VPS50: variants seen among roughly 807,000 people sequenced by gnomAD.
VPS50 encodes VPS50 subunit of EARP/GARPII complex.
VPS50 carries 70 observed loss-of-function variants against 139.7 expected under a neutral mutation model. That is an observed-to-expected ratio of 0.50 (90% CI 0.41 to 0.61). The LOEUF (loss-of-function observed/expected upper bound fraction) is 0.61, where lower values mean the gene tolerates loss of function less well. Among genes scored for constraint, VPS50 ranks in the 20% least tolerant of loss-of-function variants. The pLI is 0.00. For synonymous variants in VPS50, 365 were observed against 376.7 expected (o/e 0.97, Z 0.36); for missense variants, 921 against 1,133.7 (o/e 0.81, Z 2.69).
intron 4 of VPS50, among the ~76,000 whole-genome samples, chr7:93,255,076 T>G (rs942340510): frequency 1.3e-5 from 2 of 152,140 alleles, no homozygotes; most frequent in Non-Finnish European, 2.9e-5. Flanking sequence ...AAGACAATTT[T>G]TCTATGGACT....
At chr7:93,285,892 TC>T (rs1490094284) in intron 12 of VPS50, among the ~76,000 whole-genome samples, 9 of 152,242 alleles carry the variant, frequency 5.9e-5, no homozygotes, top group Non-Finnish European at 1.3e-4. Flanking sequence ...CTTCTCCAAA[TC>T]CTTCCTCCTA....
At chr7:93,291,664 C>A in intron 12 of VPS50, 39 bp from the exon 13 acceptor site, 1 of 1,191,432 alleles carries the variant, frequency 8.4e-7, no homozygotes. Context: ...TTAGAGTAAA[C>A]ATAATAATTT....
intron 2 of VPS50, among the ~76,000 whole-genome samples, chr7:93,250,718 TC>T (rs1384748353): frequency 6.6e-6 from 1 of 152,126 alleles, no homozygotes; most frequent in Non-Finnish European, 1.5e-5. Context: ...CTAAAGAGCT[TC>T]TGCACAGCAA....
chr7:93,259,422 T>C (rs1014741196), intron 8 of VPS50, 128 bp from the exon 9 acceptor site: 2 of 534,718 alleles, frequency 3.7e-6, no homozygotes, highest in Non-Finnish European at 6.7e-6. Flanking sequence ...ATCATTGATA[T>C]TCTAAGAGGA....
chr7:93,238,764 T>G (rs1003211317), intron 1 of VPS50, among the ~76,000 whole-genome samples: 1 of 152,106 alleles, frequency 6.6e-6, no homozygotes, highest in Admixed American at 6.5e-5. Context: ...CTTTGGAGCA[T>G]AGGGATTTAG....
chr7:93,346,214 C>T (rs889769363), intron 23 of VPS50, among the ~76,000 whole-genome samples: 87 of 152,300 alleles, frequency 5.7e-4, no homozygotes, highest in Non-Finnish European at 9.6e-4. Context: ...TGAGTGAACT[C>T]CCATTCACAA....
chr7:93,264,020 A>G (rs1795766334), intron 9 of VPS50, among the ~76,000 whole-genome samples: 1 of 152,234 alleles, frequency 6.6e-6, no homozygotes, highest in African/African-American at 2.4e-5. Flanking sequence ...GTTATATGCA[A>G]GTACTGTGCC....
At chr7:93,341,914 C>T (rs1217370473) in intron 23 of VPS50, among the ~76,000 whole-genome samples, 3 of 152,180 alleles carry the variant, frequency 2.0e-5, no homozygotes, top group African/African-American at 7.2e-5. Context: ...GTTGCATTGT[C>T]AATTTAGTGT....
intron 21 of VPS50, among the ~76,000 whole-genome samples, chr7:93,331,084 T>C (rs946626528): frequency 7.9e-5 from 12 of 152,022 alleles, no homozygotes; most frequent in Non-Finnish European, 1.5e-4. Context: ...ACCCTGAAAA[T>C]ACTAAAGCAT....
At chr7:93,318,087 CATACT>C (rs1194976992) in intron 20 of VPS50, among the ~76,000 whole-genome samples, 1 of 150,674 alleles carries the variant, frequency 6.6e-6, no homozygotes, top group Non-Finnish European at 1.5e-5. Context: ...TTATATAATA[CATACT>C]ATATGTTATC....
At chr7:93,334,638 T>C (rs572131490) in intron 22 of VPS50, among the ~76,000 whole-genome samples, 5 of 152,174 alleles carry the variant, frequency 3.3e-5, no homozygotes, top group African/African-American at 1.2e-4. Flanking sequence ...CCGAGTTAGG[T>C]TGCAGAGAGT....
rs1797188340 is a variant in VPS50, at chr7:93,308,881, G to T, written c.1687G>T (p.Val563Phe). The stretch of plus-strand genomic sequence containing the variant: ...TCAAGAGTATGACAGTGACAGTGAT[G>T]TTCCTGAGGAACTCAAACGAGACTA... ...AYQEYDSDSD[V>F]PEELKRDYVD... Residue 563 changes from valine (V) to phenylalanine (F), a missense_variant, in exon 19 of 28, where the codon GTT (valine) becomes TTT (phenylalanine). Coordinates refer to ENST00000305866, the MANE Select transcript of VPS50 (RefSeq NM_017667.4). 6.2e-7 allele frequency: 1 copy of T among 1,609,024 alleles called. No homozygotes were observed. The highest frequency in any genetic ancestry group is 8.5e-7 in the Non-Finnish European group (1 of 1,176,018).
intron 12 of VPS50, among the ~76,000 whole-genome samples, chr7:93,284,110 T>C (rs372317188): frequency 5.3e-5 from 8 of 152,020 alleles, no homozygotes; most frequent in African/African-American, 1.9e-4. Context: ...GGGGATTGGA[T>C]TGGAGATAAA....
intron 1 of VPS50, among the ~76,000 whole-genome samples, chr7:93,235,138 A>G (rs1004306740): frequency 4.6e-5 from 7 of 152,128 alleles, no homozygotes; most frequent in Non-Finnish European, 8.8e-5. Flanking sequence ...TGAGGTAGAT[A>G]TTTGGGAAGG....
intron 19 of VPS50, among the ~76,000 whole-genome samples, chr7:93,310,398 T>TTTTG (rs1238367884): frequency 6.6e-6 from 1 of 151,984 alleles, no homozygotes; most frequent in East Asian, 1.9e-4. Flanking sequence ...TTAAATCAAC[T>TTTTG]CCTTTACCTT....
intron 26 of VPS50, 128 bp from the exon 27 acceptor site, chr7:93,355,763 A>G (rs1375628705): frequency 5.9e-6 from 3 of 511,898 alleles, no homozygotes; most frequent in Non-Finnish European, 6.9e-6. Context: ...TATGTTCTCT[A>G]TTTCCTATAA....
intron 20 of VPS50, among the ~76,000 whole-genome samples, chr7:93,312,970 A>T (rs1462469304): frequency 6.6e-6 from 1 of 152,218 alleles, no homozygotes; most frequent in Non-Finnish European, 1.5e-5. Flanking sequence ...AGTAACAAGC[A>T]ACTGTTGGTG....
intron 16 of VPS50, among the ~76,000 whole-genome samples, chr7:93,299,093 T>C (rs892415384): frequency 6.6e-6 from 1 of 152,222 alleles, no homozygotes; most frequent in African/African-American, 2.4e-5. Flanking sequence ...AGTATTCTTC[T>C]TTTTCCCTAG....
At chr7:93,280,564 T>C (rs1796294541) in intron 12 of VPS50, among the ~76,000 whole-genome samples, 1 of 152,134 alleles carries the variant, frequency 6.6e-6, no homozygotes, top group East Asian at 1.9e-4. Context: ...ATAGACAACA[T>C]TTGGAAGCTT....
Sources: allele counts gnomAD v4.1 joint callset (sites outside exome capture counted in the v4.1 genomes callset), GRCh38; gene constraint gnomAD v4.1.1; transcripts MANE v1.5; gene names NCBI Gene and HGNC (gene_info 2026-07-23, HGNC 2026-07-21).